The following MON2 variants were observed in gnomAD, a reference collection of about 807,000 sequenced individuals.
MON2 encodes MON2 regulator of endosome-to-Golgi trafficking.
A neutral mutation model predicts 208.6 loss-of-function variants in MON2; 84 were observed. The observed-to-expected ratio is 0.40, with a 90% confidence interval of 0.34 to 0.48. The LOEUF is 0.48. Ranked by LOEUF, MON2 falls within the 20% of genes least tolerant of loss-of-function variation. The pLI, the probability that MON2 is intolerant of heterozygous loss-of-function variation, is 0.59. For synonymous variants in MON2, 660 were observed against 694.0 expected, an observed-to-expected ratio of 0.95 and a Z score of 0.77; for missense variants, 1,611 against 2,015.4, an observed-to-expected ratio of 0.80 and a Z score of 3.84.
chr12:62,589,744 T>TAAA (rs5798649), intron 34 of MON2, among the ~76,000 whole-genome samples: 1 of 113,638 alleles, frequency 8.8e-6, no homozygotes, highest in Non-Finnish European at 1.8e-5. Flanking sequence ...ACCCCATCTT[T>TAAA]AAAAAAAAAA....
chr12:62,583,980 A>G (rs12299886), intron 32 of MON2, among the ~76,000 whole-genome samples: 3 of 151,220 alleles, frequency 2.0e-5, no homozygotes, highest in Non-Finnish European at 3.0e-5. Flanking sequence ...AAAAACAAAA[A>G]AAAAAAACAG....
At chr12:62,527,359 C>T (rs1235142780) in intron 11 of MON2, among the ~76,000 whole-genome samples, 1 of 152,148 alleles carries the variant, frequency 6.6e-6, no homozygotes, top group African/African-American at 2.4e-5. Context: ...TTTTACCTTA[C>T]AGCTTTATTT....
chr12:62,507,684 A>T (rs750180644), intron 7 of MON2, among the ~76,000 whole-genome samples: 16 of 152,016 alleles, frequency 1.1e-4, no homozygotes, highest in Admixed American at 6.6e-4. Flanking sequence ...GTTTCTGTTA[A>T]TCACCAATTA....
chr12:62,505,293 AT>A (rs1489531674), intron 7 of MON2, among the ~76,000 whole-genome samples: 1 of 152,204 alleles, frequency 6.6e-6, no homozygotes, highest in East Asian at 1.9e-4. Flanking sequence ...GGACTTATGC[AT>A]TTCAAGGTTT....
chr12:62,553,052 G>A lies in MON2; in HGVS notation c.3088G>A (p.Gly1030Ser). 2 of 1,614,114 alleles carry A rather than the reference G, an allele frequency of 1.2e-6. 1 individual carries two copies. Among genetic ancestry groups the A allele is most frequent in the South Asian group, 2.2e-5 (2 of 91,080 alleles). ...GTGGTTATGTCTTTATGCAAAATTG[G>A]GTGAACTATGTGTGGATCCCCGTCC... The part of the protein sequence containing the change: ...CLWLCLYAKL[G>S]ELCVDPRPAV... The change falls in exon 24 of 35, where the codon GGT (glycine) becomes AGT (serine). Residue 1030 changes from glycine (G) to serine (S), a missense_variant. Physicochemically the swap from Gly to Ser is moderately conservative, Grantham distance 56 (BLOSUM62 0). Transcript: ENST00000393630.
chr12:62,547,327 T>C (rs1592361080), intron 22 of MON2, among the ~76,000 whole-genome samples: 1 of 152,170 alleles, frequency 6.6e-6, no homozygotes, highest in Non-Finnish European at 1.5e-5. Context: ...AAAATTGCTC[T>C]TTATTTAACA....
At position 62,599,871 on chromosome 12, in the gene MON2, G is replaced by GA. The variant is rs1338223768; in HGVS notation, c.*7129dup. 1 of 152,116 alleles carries GA rather than the reference G, an allele frequency of 6.6e-6. No homozygotes were observed. Among genetic ancestry groups the GA allele is most frequent in the African/African-American group, 2.4e-5 (1 of 41,440 alleles). The allele number at this position is 152,116 out of a possible 1,614,324, so 9.4% of individuals were successfully genotyped here. ...CATAACAAAGAACTAAAAATACTGT[G>GA]AAAAAAAGATTTGTCTTAACGATGA... On this transcript the variant is annotated 3_prime_UTR_variant, in exon 35 of 35. Transcript: ENST00000393630.
chr12:62,516,030 A>T (rs1222384382), intron 8 of MON2, among the ~76,000 whole-genome samples: 2 of 152,184 alleles, frequency 1.3e-5, no homozygotes, highest in Admixed American at 6.5e-5. Flanking sequence ...GTATCCATTG[A>T]CAGATGAATG....
chr12:62,520,895 G>T (rs1217274236), intron 8 of MON2, among the ~76,000 whole-genome samples: 5 of 136,328 alleles, frequency 3.7e-5, no homozygotes, highest in East Asian at 2.2e-4. Context: ...TTTTTTTTGA[G>T]ACTCCATCTC....
At chr12:62,574,688 C>G (rs1489820316) in intron 30 of MON2, among the ~76,000 whole-genome samples, 1 of 152,042 alleles carries the variant, frequency 6.6e-6, no homozygotes, top group Non-Finnish European at 1.5e-5. Flanking sequence ...ATTCTAGTTA[C>G]AGATTTAAGC....
chr12:62,539,990 T>C (rs543692270), intron 19 of MON2, among the ~76,000 whole-genome samples: 2 of 152,208 alleles, frequency 1.3e-5, no homozygotes, highest in South Asian at 4.2e-4. Flanking sequence ...AAAATATATA[T>C]TATAGTTTGT....
intron 26 of MON2, among the ~76,000 whole-genome samples, chr12:62,563,837 T>G (rs2136362801): frequency 6.6e-6 from 1 of 152,230 alleles, no homozygotes; most frequent in East Asian, 1.9e-4. Context: ...ATAGGTTTTT[T>G]GTTGTTGTTA....
rs184767948 is a variant in MON2, at chr12:62,596,920, T to C, written c.*4171T>C. On this transcript the variant is annotated 3_prime_UTR_variant, in exon 35 of 35. Transcript: ENST00000393630. Reference sequence around the variant, plus strand: ...AGTGTTGGCTATTTAAAAGAACATGTGGCAAGTTCTATATGAATATTCTTG... The same window carrying C: ...AGTGTTGGCTATTTAAAAGAACATGCGGCAAGTTCTATATGAATATTCTTG... The C allele has an allele frequency of 4.6e-5, 7 of 152,346 alleles. No individual in the cohort carries two copies. Among genetic ancestry groups the C allele is most frequent in the Admixed American group, 4.6e-4 (7 of 15,304 alleles). 9.4% of individuals were successfully genotyped at this position (152,346 alleles called of 1,614,324 possible).
At chr12:62,588,718 G>A (rs2075299251) in intron 34 of MON2, 2 of 487,620 alleles carry the variant, frequency 4.1e-6, no homozygotes, top group African/African-American at 2.0e-5. Context: ...CTACCAAATT[G>A]CAAAGAATAC....
chr12:62,472,332 G>A (rs2068832893), intron 1 of MON2, among the ~76,000 whole-genome samples: 1 of 152,192 alleles, frequency 6.6e-6, no homozygotes, highest in African/African-American at 2.4e-5. Flanking sequence ...TGAAGTCCAG[G>A]GAATGGGTGG....
At chr12:62,572,940 A>C (rs563631337) in intron 30 of MON2, among the ~76,000 whole-genome samples, 3 of 152,180 alleles carry the variant, frequency 2.0e-5, no homozygotes, top group Non-Finnish European at 4.4e-5. Context: ...AACTGAAAAA[A>C]ATTTTCTTTA....
At chr12:62,541,753 G>A (rs542261452) in intron 19 of MON2, among the ~76,000 whole-genome samples, 6 of 152,232 alleles carry the variant, frequency 3.9e-5, no homozygotes, top group African/African-American at 1.4e-4. Flanking sequence ...GTGCAAATGC[G>A]AGGGCCACAT....
intron 26 of MON2, among the ~76,000 whole-genome samples, chr12:62,564,786 A>G (rs993479546): frequency 2.6e-5 from 4 of 152,172 alleles, no homozygotes; most frequent in Non-Finnish European, 5.9e-5. Context: ...CCCAACTGTA[A>G]CACACATGAT....
chr12:62,584,190 A>G (rs760167314), intron 32 of MON2, among the ~76,000 whole-genome samples: 2 of 151,994 alleles, frequency 1.3e-5, no homozygotes, highest in Non-Finnish European at 2.9e-5. Flanking sequence ...GCTGAGTTGT[A>G]CCCCCTGAAT....
Sources: allele counts gnomAD v4.1 joint callset (sites outside exome capture counted in the v4.1 genomes callset), GRCh38; gene constraint gnomAD v4.1.1; transcripts MANE v1.5; gene names NCBI Gene and HGNC (gene_info 2026-07-23, HGNC 2026-07-21).